Variants in EGFR observed in about 807,000 individuals in gnomAD.
EGFR encodes epidermal growth factor receptor, also known as avian erythroblastic leukemia viral (v-erb-b) oncogene homolog.
In EGFR, 58 loss-of-function variants were observed where a neutral mutation model predicts 143.0. The ratio of observed to expected loss-of-function variants is 0.41; its 90% CI spans 0.33 to 0.50. The LOEUF is 0.50. EGFR is among the 20% of genes least tolerant of loss of function. The probability of loss-of-function intolerance (pLI) is 0.39; values close to 1 mark genes in which losing one functional copy is unlikely to be tolerated. For missense variants in EGFR, 1,307 were observed against 1,579.0 expected (o/e 0.83, Z 2.92); for synonymous variants, 613 against 594.4 (o/e 1.03, Z -0.45).
intron 1 of EGFR, among the ~76,000 whole-genome samples, chr7:55,052,178 G>GA (rs1235322292): frequency 1.3e-5 from 2 of 152,138 alleles, no homozygotes; most frequent in Non-Finnish European, 2.9e-5. Context: ...TAAAATATGA[G>GA]AAAAGTTCCC....
chr7:55,196,482 T>C (rs1219692999), intron 22 of EGFR, among the ~76,000 whole-genome samples: 2 of 152,190 alleles, frequency 1.3e-5, no homozygotes, highest in African/African-American at 4.8e-5. Flanking sequence ...GTCTTCACTC[T>C]GATGATAGTT....
intron 1 of EGFR, among the ~76,000 whole-genome samples, chr7:55,118,758 C>T (rs1335229289): frequency 6.6e-6 from 1 of 151,916 alleles, no homozygotes; most frequent in African/African-American, 2.4e-5. Flanking sequence ...CCAGGGCGGG[C>T]GGGAACCAGG....
Position 55,047,985 on chromosome 7 carries a change from T to G in EGFR, c.88+28620T>G, listed in dbSNP as rs574981635. Among the ~76,000 whole-genome samples the G allele has an allele frequency of 1.6e-4, 24 of 152,204 alleles. No individual in the cohort carries two copies. The South Asian group carries it at 4.8e-3, about 30-fold the overall frequency. On this transcript the variant is annotated intron_variant, in intron 1 of 27. Transcript: ENST00000275493. Reference sequence around the variant, plus strand: ...ATATAAATATATAAGTGAAAAAATATATAAATATAAATAATATGAAATAAT... The same window carrying G: ...ATATAAATATATAAGTGAAAAAATAGATAAATATAAATAATATGAAATAAT...
At chr7:55,146,040 C>G (rs924838295) in intron 3 of EGFR, among the ~76,000 whole-genome samples, 4 of 152,206 alleles carry the variant, frequency 2.6e-5, no homozygotes, top group Non-Finnish European at 4.4e-5. Flanking sequence ...TCTTTGGAAA[C>G]AGCTGTACAG....
At chr7:55,201,571 T>C (rs17337493) in intron 25 of EGFR, among the ~76,000 whole-genome samples, 164 bp from the exon 26 acceptor site, 1 of 152,182 alleles carries the variant, frequency 6.6e-6, no homozygotes, top group Non-Finnish European at 1.5e-5. Context: ...CTATGGAATG[T>C]AATTAAATCA....
At position 55,042,624 on chromosome 7, in the gene EGFR, C is replaced by T. The variant is rs546900214; in HGVS notation, c.88+23259C>T. ...ATGCAGGTCACTCTACGTATGTGCA[C>T]GAGGTCGTTATAAAGCTCGAAAATA... On this transcript the variant is annotated intron_variant, in intron 1 of 27. Coordinates refer to ENST00000275493, the MANE Select transcript of EGFR (RefSeq NM_005228.5). Among the ~76,000 whole-genome samples the T allele has an allele frequency of 1.8e-4, 27 of 152,006 alleles. No homozygotes were observed. The South Asian group carries it at 5.4e-3, about 30-fold the overall frequency.
intron 1 of EGFR, among the ~76,000 whole-genome samples, chr7:55,041,241 C>G (rs987473051): frequency 5.9e-5 from 9 of 152,142 alleles, no homozygotes; most frequent in South Asian, 2.1e-4. Flanking sequence ...GGCAAAACCT[C>G]GTCTCTACTA....
Position 55,206,394 on chromosome 7 carries a change from CCCTGTCTTGCTGTCATGAAATCA to C in EGFR, c.*778_*800del, listed in dbSNP as rs1583666904. 4.3e-6 allele frequency: 1 copy of C among 233,342 alleles called. No homozygotes were observed. The highest frequency in any genetic ancestry group is 6.0e-5 in the East Asian group (1 of 16,590). The allele number at this position is 233,342 out of a possible 1,614,324, so 14.5% of individuals were successfully genotyped here. A position where few individuals can be genotyped will look rare whatever the true frequency, so the allele number is the denominator to read the frequency against. The stretch of plus-strand genomic sequence containing the variant: ...ATTGTTTTGAAACTCAGTATGCTGC[CCCTGTCTTGCTGTCATGAAATCA>C]GCAAGAGAGGATGACACATCAAATA... On this transcript the variant is annotated 3_prime_UTR_variant, in exon 28 of 28. Coordinates refer to ENST00000275493, the MANE Select transcript of EGFR (RefSeq NM_005228.5).
At chr7:55,168,294 A>G (rs184888092) in intron 15 of EGFR, among the ~76,000 whole-genome samples, 54 of 152,328 alleles carry the variant, frequency 3.5e-4, no homozygotes, top group Non-Finnish European at 5.1e-4. Flanking sequence ...TCTGGAATAG[A>G]TGTGCATCAG....
chr7:55,084,115 G>A (rs535104980), intron 1 of EGFR, among the ~76,000 whole-genome samples: 25 of 152,298 alleles, frequency 1.6e-4, no homozygotes, highest in Non-Finnish European at 3.4e-4. Flanking sequence ...AAGTTATGAG[G>A]TTGGCACACA....
intron 20 of EGFR, among the ~76,000 whole-genome samples, chr7:55,190,954 C>G (rs1787368664): frequency 6.6e-6 from 1 of 152,146 alleles, no homozygotes. Flanking sequence ...ACCCCAGCAG[C>G]CAGCAGGGAG....
intron 1 of EGFR, among the ~76,000 whole-genome samples, chr7:55,038,119 G>C (rs1337047986): frequency 1.3e-5 from 2 of 152,234 alleles, no homozygotes; most frequent in Non-Finnish European, 1.5e-5. Context: ...AGGAAAGCGG[G>C]GGGGTGGAGC....
chr7:55,109,310 A>G (rs950107181), intron 1 of EGFR, among the ~76,000 whole-genome samples: 7 of 152,236 alleles, frequency 4.6e-5, no homozygotes, highest in African/African-American at 1.2e-4. Flanking sequence ...AAGTCTTTCT[A>G]TAGTTAAACT....
intron 1 of EGFR, among the ~76,000 whole-genome samples, chr7:55,073,760 A>G (rs1789973658): frequency 6.6e-6 from 1 of 152,172 alleles, no homozygotes. Flanking sequence ...AGAGACATTC[A>G]CAGCTCTTCT....
chr7:55,151,398 C>A (rs746871680), intron 5 of EGFR, 36 bp downstream of exon 5: 3 of 1,604,572 alleles, frequency 1.9e-6, no homozygotes, highest in African/African-American at 1.3e-5. Context: ...CATGTGTGAC[C>A]GCCCCTCTCT....
chr7:55,029,407 C>CT (rs1787124211), intron 1 of EGFR, among the ~76,000 whole-genome samples: 1 of 152,034 alleles, frequency 6.6e-6, no homozygotes, highest in South Asian at 2.1e-4. Flanking sequence ...TTTCTTCTTC[C>CT]TTCCTTGCTT....
At chr7:55,020,685 CAG>C (rs1017723563) in intron 1 of EGFR, among the ~76,000 whole-genome samples, 14 of 152,016 alleles carry the variant, frequency 9.2e-5, no homozygotes, top group African/African-American at 3.4e-4. Context: ...ACCCACTTGA[CAG>C]GGGAAACATG....
At chr7:55,197,454 A>C (rs1787664527) in intron 22 of EGFR, among the ~76,000 whole-genome samples, 1 of 152,200 alleles carries the variant, frequency 6.6e-6, no homozygotes, top group African/African-American at 2.4e-5. Flanking sequence ...GTCATCTGCA[A>C]ACAGAGATAG....
At chr7:55,200,160 G>A (rs899593022) in intron 23 of EGFR, among the ~76,000 whole-genome samples, 156 bp from the exon 24 acceptor site, 1 of 152,214 alleles carries the variant, frequency 6.6e-6, no homozygotes, top group Admixed American at 6.5e-5. Flanking sequence ...ACCAGTACTA[G>A]CTGGCCAAGA....
Sources: allele counts gnomAD v4.1 joint callset (sites outside exome capture counted in the v4.1 genomes callset), GRCh38; gene constraint gnomAD v4.1.1; transcripts MANE v1.5; gene names NCBI Gene and HGNC (gene_info 2026-07-23, HGNC 2026-07-21).